MTREX: variants seen among roughly 807,000 people sequenced by gnomAD.
The protein encoded by MTREX is exosome RNA helicase MTR4.
Under a neutral mutation model 135.4 loss-of-function variants are expected in MTREX, and 76 were observed. That is an observed-to-expected ratio of 0.56 (90% CI 0.47 to 0.68). The LOEUF is 0.68. Among genes scored for constraint, MTREX ranks in the 30% least tolerant of loss-of-function variants. MTREX has a pLI of 0.00. For synonymous variants in MTREX, 404 were observed against 401.6 expected, an observed-to-expected ratio of 1.01 and a Z score of -0.07; for missense variants, 920 against 1,262.1, an observed-to-expected ratio of 0.73 and a Z score of 4.11.
chr5:55,347,390 A>G (rs1749755249), intron 11 of MTREX, among the ~76,000 whole-genome samples: 1 of 152,158 alleles, frequency 6.6e-6, no homozygotes, highest in African/African-American at 2.4e-5. Flanking sequence ...TATGAAAAAT[A>G]TTAGAATCAT....
chr5:55,425,166 T>C lies in MTREX; in HGVS notation c.*394T>C, dbSNP rs765692593. 6.3e-7 allele frequency: 1 copy of C among 1,588,734 alleles called. No individual in the cohort carries two copies. The highest frequency in any genetic ancestry group is 1.1e-5 in the South Asian group (1 of 87,700). On this transcript the variant is annotated 3_prime_UTR_variant, in exon 27 of 27. Coordinates refer to ENST00000230640, the MANE Select transcript of MTREX (RefSeq NM_015360.5). ...TTGCCTTGTGGCAATCATTTTCCTT[T>C]AGAAAACAGGCCAGCTTCACCTGGG...
At chr5:55,414,971 G>A (rs917518673) in intron 24 of MTREX, among the ~76,000 whole-genome samples, 1 of 151,970 alleles carries the variant, frequency 6.6e-6, no homozygotes, top group East Asian at 1.9e-4. Context: ...TTTAAAATCT[G>A]TTTTATCATA....
At chr5:55,330,503 A>T (rs6885380) in intron 5 of MTREX, among the ~76,000 whole-genome samples, 20,695 of 151,802 alleles carry the variant, frequency 0.14, 1,773 homozygotes, top group East Asian at 0.26. Flanking sequence ...AGAAATCCTA[A>T]CTGCTTGAAC....
chr5:55,402,878 A>G (rs1355225940), intron 21 of MTREX, among the ~76,000 whole-genome samples: 34 of 123,324 alleles, frequency 2.8e-4, no homozygotes, highest in African/African-American at 1.2e-3. Flanking sequence ...GTGTGTATAT[A>G]TATAATTTCT....
intron 19 of MTREX, among the ~76,000 whole-genome samples, chr5:55,396,687 C>T (rs575249764): frequency 2.4e-4 from 36 of 152,286 alleles, no homozygotes; most frequent in African/African-American, 8.7e-4. Flanking sequence ...AGACTGAGTT[C>T]AATCACTGTA....
At chr5:55,385,939 G>A (rs1750471890) in intron 18 of MTREX, among the ~76,000 whole-genome samples, 1 of 152,122 alleles carries the variant, frequency 6.6e-6, no homozygotes, top group African/African-American at 2.4e-5. Flanking sequence ...GGACTAGAGA[G>A]GAACACATTC....
At chr5:55,413,657 C>CTG (rs1462919631) in intron 23 of MTREX, among the ~76,000 whole-genome samples, 4 of 152,166 alleles carry the variant, frequency 2.6e-5, no homozygotes, top group Non-Finnish European at 2.9e-5. Context: ...ACTAAGAATA[C>CTG]TGAAACTCAG....
At chr5:55,325,105 T>A (rs1020954235) in intron 3 of MTREX, among the ~76,000 whole-genome samples, 2 of 152,168 alleles carry the variant, frequency 1.3e-5, no homozygotes, top group African/African-American at 2.4e-5. Flanking sequence ...TCTCAAAATT[T>A]TTTATTATAA....
At chr5:55,375,877 C>T (rs1195938801) in intron 16 of MTREX, among the ~76,000 whole-genome samples, 1 of 152,154 alleles carries the variant, frequency 6.6e-6, no homozygotes, top group Non-Finnish European at 1.5e-5. Flanking sequence ...TTCAGCTGGT[C>T]CCTCCGTTTG....
Position 55,309,642 on chromosome 5 carries a change from T to C in MTREX, c.134+1495T>C, listed in dbSNP as rs183777325. The stretch of plus-strand genomic sequence containing the variant: ...GATATAGTGATAACATTAATTTGGC[T>C]TGAGACAATGTGAAGGGATGCTAGT... On this transcript the variant is annotated intron_variant, in intron 1 of 26. Transcript: ENST00000230640. 4.6e-5 allele frequency among the ~76,000 whole-genome samples: 7 copies of C among 152,304 alleles called. 1 individual carries two copies. The highest frequency in any genetic ancestry group is 7.4e-5 in the Non-Finnish European group (5 of 68,018).
At chr5:55,345,814 C>T (rs921348057) in intron 10 of MTREX, among the ~76,000 whole-genome samples, 1 of 151,798 alleles carries the variant, frequency 6.6e-6, no homozygotes, top group African/African-American at 2.4e-5. Flanking sequence ...ATTATAGGCA[C>T]CTGCCACCAT....
At chr5:55,381,404 A>ATAAATTG in intron 18 of MTREX, among the ~76,000 whole-genome samples, 1 of 152,196 alleles carries the variant, frequency 6.6e-6, no homozygotes, top group Non-Finnish European at 1.5e-5. Flanking sequence ...TTTTACAATT[A>ATAAATTG]TAAATTTCCC....
intron 16 of MTREX, among the ~76,000 whole-genome samples, chr5:55,367,115 T>G (rs563877429): frequency 1.3e-5 from 2 of 152,330 alleles, no homozygotes; most frequent in African/African-American, 4.8e-5. Flanking sequence ...TCTTGTCTTG[T>G]GCATATATGT....
intron 1 of MTREX, among the ~76,000 whole-genome samples, chr5:55,310,434 C>G (rs573015830): frequency 3.9e-4 from 60 of 152,184 alleles, no homozygotes; most frequent in African/African-American, 1.3e-3. Flanking sequence ...ATGGCGAAAC[C>G]CCATCTCTAC....
At chr5:55,312,250 A>G (rs1749125561) in intron 1 of MTREX, among the ~76,000 whole-genome samples, 1 of 152,232 alleles carries the variant, frequency 6.6e-6, no homozygotes, top group Non-Finnish European at 1.5e-5. Flanking sequence ...CAGTTCATAA[A>G]GAAAAGGCAG....
rs1448547195 is a variant in MTREX, at chr5:55,341,667, A to T, written c.691-14A>T. On this transcript the variant is annotated splice_polypyrimidine_tract_variant and intron_variant, in intron 6 of 26. Coordinates refer to ENST00000230640, the MANE Select transcript of MTREX (RefSeq NM_015360.5). Reference sequence around the variant, plus strand: ...CAGAATCCAACTAAATACATTTTTTACTTTTTTCTTTAGATTTTGAGAAGT... The same window carrying T: ...CAGAATCCAACTAAATACATTTTTTTCTTTTTTCTTTAGATTTTGAGAAGT... 3 of 1,452,854 alleles carry T rather than the reference A, an allele frequency of 2.1e-6. No individual in the cohort carries two copies. Among genetic ancestry groups the T allele is most frequent in the Non-Finnish European group, 1.9e-6 (2 of 1,050,328 alleles). 90.0% of individuals were successfully genotyped at this position (1,452,854 alleles called of 1,614,324 possible).
intron 20 of MTREX, 148 bp from the exon 21 acceptor site, chr5:55,400,085 C>A: frequency 6.1e-6 from 3 of 490,122 alleles, no homozygotes; most frequent in South Asian, 6.0e-5. Flanking sequence ...GGAAAAATGC[C>A]CTATAATTTA....
intron 9 of MTREX, 34 bp downstream of exon 9, chr5:55,344,654 T>G: frequency 8.3e-7 from 1 of 1,204,350 alleles, no homozygotes; most frequent in Non-Finnish European, 1.2e-6. Context: ...AAATCTATAA[T>G]GTCATACTTT....
intron 3 of MTREX, among the ~76,000 whole-genome samples, chr5:55,325,429 T>C (rs1398942230): frequency 6.6e-6 from 1 of 150,836 alleles, no homozygotes; most frequent in East Asian, 2.0e-4. Context: ...CGTCCCAGGC[T>C]CAAGCAATCC....
Sources: allele counts gnomAD v4.1 joint callset (sites outside exome capture counted in the v4.1 genomes callset), GRCh38; gene constraint gnomAD v4.1.1; transcripts MANE v1.5; gene names NCBI Gene and HGNC (gene_info 2026-07-23, HGNC 2026-07-21).